The following SLC4A4 variants were observed in gnomAD, a reference collection of about 807,000 sequenced individuals.
SLC4A4 encodes solute carrier family 4 member 4, also known as electrogenic sodium bicarbonate cotransporter 1.
In SLC4A4, 27 loss-of-function variants were observed where a neutral mutation model predicts 111.5. That is an observed-to-expected ratio of 0.24 (90% CI 0.18 to 0.33). The LOEUF (loss-of-function observed/expected upper bound fraction) is 0.33. Ranked by LOEUF, SLC4A4 falls within the 10% of genes least tolerant of loss-of-function variation. The pLI, the probability that SLC4A4 is intolerant of heterozygous loss-of-function variation, is 1.00. For missense variants in SLC4A4, 909 were observed against 1,315.5 expected, an observed-to-expected ratio of 0.69 and a Z score of 4.78; for synonymous variants, 443 against 463.4, an observed-to-expected ratio of 0.96 and a Z score of 0.57.
At chr4:71,089,854 T>TGAG (rs1021220933) in intron 1 of SLC4A4, among the ~76,000 whole-genome samples, 11 of 151,044 alleles carry the variant, frequency 7.3e-5, no homozygotes, top group African/African-American at 2.7e-4. Context: ...GGAACCCACT[T>TGAG]GAGGAGGCAG....
In SLC4A4 at chr4:71,073,904, C is replaced by T. The variant is rs138968562; in HGVS notation, c.-65+11116C>T. Among the ~76,000 whole-genome samples the T allele has an allele frequency of 4.0e-3, 608 of 151,914 alleles. 4 individuals are homozygous for T. Among genetic ancestry groups the T allele is most frequent in the South Asian group, 6.9e-3 (33 of 4,806 alleles). On this transcript the variant is annotated intron_variant, in intron 1 of 26. Coordinates refer to the SLC4A4 transcript ENST00000649996. ...TTCAAGATCAGCCTGGGCAATATGG[C>T]GAAAACCTGTCTCTACAAAAAAATA...
intron 2 of SLC4A4, among the ~76,000 whole-genome samples, chr4:71,136,635 G>A (rs1260551610): frequency 6.6e-6 from 1 of 152,126 alleles, no homozygotes; most frequent in African/African-American, 2.4e-5. Context: ...ATTTGAGATA[G>A]CATTTCCCCC....
At chr4:71,422,796 G>A (rs1054612896) in intron 7 of SLC4A4, among the ~76,000 whole-genome samples, 1 of 152,096 alleles carries the variant, frequency 6.6e-6, no homozygotes, top group Non-Finnish European at 1.5e-5. Flanking sequence ...AACCCTTCAT[G>A]CTGAAAACTC....
rs140811004 is a variant in SLC4A4, at chr4:71,284,509, C to T, written c.253+29110C>T. Among the ~76,000 whole-genome samples, 28 of 152,344 alleles carry T rather than the reference C, an allele frequency of 1.8e-4. No individual in the cohort carries two copies. In the East Asian group the frequency reaches 5.2e-3, roughly 28 times the overall value. The stretch of plus-strand genomic sequence containing the variant: ...CTTCATAATGCAGTTAATCCTTCTT[C>T]CACATAACATCCCTTGAAAATTAGA... On this transcript the variant is annotated intron_variant, in intron 3 of 25. Transcript: ENST00000264485.
At chr4:71,315,105 T>TAAACA (rs1726573983) in intron 3 of SLC4A4, among the ~76,000 whole-genome samples, 3 of 152,144 alleles carry the variant, frequency 2.0e-5, no homozygotes, top group Non-Finnish European at 4.4e-5. Flanking sequence ...GTTATCAAGC[T>TAAACA]GAACAGTAAC....
At chr4:71,349,102 C>G (rs1296340194) in intron 4 of SLC4A4, among the ~76,000 whole-genome samples, 1 of 152,108 alleles carries the variant, frequency 6.6e-6, no homozygotes, top group South Asian at 2.1e-4. Context: ...GTGTTTTGCT[C>G]TCATTTCCAT....
chr4:71,135,587 T>A (rs1743822948), intron 2 of SLC4A4, among the ~76,000 whole-genome samples: 1 of 152,138 alleles, frequency 6.6e-6, no homozygotes, highest in Admixed American at 6.6e-5. Context: ...TGAGCCACCG[T>A]GCCCGGCTCA....
intron 3 of SLC4A4, among the ~76,000 whole-genome samples, chr4:71,314,106 GC>G (rs1726452905): frequency 1.3e-5 from 2 of 152,000 alleles, no homozygotes; most frequent in African/African-American, 4.8e-5. Context: ...CAAAAAGTGG[GC>G]AAAGGATATG....
At chr4:71,398,528 A>G (rs1226514177) in intron 7 of SLC4A4, among the ~76,000 whole-genome samples, 1 of 152,190 alleles carries the variant, frequency 6.6e-6, no homozygotes, top group Non-Finnish European at 1.5e-5. Flanking sequence ...CAAGAAAATT[A>G]TATTTTAAGA....
At chr4:71,205,467 G>A (rs1717693438) in intron 1 of SLC4A4, among the ~76,000 whole-genome samples, 1 of 152,094 alleles carries the variant, frequency 6.6e-6, no homozygotes, top group Admixed American at 6.5e-5. Context: ...TTGAATGCAG[G>A]TATATCTTCT....
intron 2 of SLC4A4, among the ~76,000 whole-genome samples, chr4:71,177,844 G>A (rs367998856): frequency 0.057 from 8,613 of 151,980 alleles, 304 homozygotes; most frequent in Non-Finnish European, 0.081. Context: ...AGATATCTAC[G>A]GAACTCTCCA....
rs59550112 is a variant in SLC4A4, at chr4:71,429,236, C to A, written c.808-11380C>A. On this transcript the variant is annotated intron_variant, in intron 7 of 25. Coordinates refer to ENST00000264485, the MANE Select transcript of SLC4A4 (RefSeq NM_001098484.3). ...CTGCTTTCATAGAAGGCAGAAGAATCCAAGACCTGAGTGGAGTGTGAAAGA... is the reference window on the plus strand; with the variant it reads ...CTGCTTTCATAGAAGGCAGAAGAATACAAGACCTGAGTGGAGTGTGAAAGA... 6.9e-3 allele frequency among the ~76,000 whole-genome samples: 1,047 copies of A among 152,096 alleles called. 4 individuals are homozygous for A. Among genetic ancestry groups the A allele is most frequent in the Non-Finnish European group, 0.012 (791 of 67,962 alleles).
At chr4:71,280,934 A>C (rs1406431757) in intron 3 of SLC4A4, among the ~76,000 whole-genome samples, 1 of 152,236 alleles carries the variant, frequency 6.6e-6, no homozygotes, top group East Asian at 1.9e-4. Context: ...AAGTTCTCAT[A>C]AAGTTATTAT....
intron 1 of SLC4A4, among the ~76,000 whole-genome samples, chr4:71,228,753 A>G (rs544251147): frequency 6.6e-6 from 1 of 152,356 alleles, no homozygotes; most frequent in South Asian, 2.1e-4. Flanking sequence ...TTGTAGATTC[A>G]AATGCGTATT....
chr4:71,452,242 G>A (rs913198414), intron 11 of SLC4A4, among the ~76,000 whole-genome samples: 21 of 152,012 alleles, frequency 1.4e-4, no homozygotes, highest in Admixed American at 3.9e-4. Context: ...TATTCTGAAA[G>A]GATAGAGAAC....
chr4:71,214,276 A>C (rs1460130489), intron 1 of SLC4A4, among the ~76,000 whole-genome samples: 1 of 152,168 alleles, frequency 6.6e-6, no homozygotes, highest in Non-Finnish European at 1.5e-5. Context: ...GACGCTGGCT[A>C]ATGGCCCTGT....
chr4:71,339,398 C>T lies in SLC4A4; in HGVS notation c.282C>T (p.Phe94=), dbSNP rs1728702006. ...CTCCTGCTGCAGAACGCATCCGATT[C>T]ATCTTGGGAGAGGAGGATGACAGCC... The part of the protein sequence containing the change: ...LISPAAERIR[F]ILGEEDDSPA... Residue 94 remains phenylalanine, a synonymous_variant, in exon 4 of 26, where the codon TTC becomes TTT. Transcript: ENST00000264485. 6.2e-7 allele frequency: 1 copy of T among 1,614,036 alleles called. No homozygotes were observed. The highest frequency in any genetic ancestry group is 1.1e-5 in the South Asian group (1 of 91,092).
intron 16 of SLC4A4, among the ~76,000 whole-genome samples, chr4:71,519,422 C>G (rs1037822713): frequency 5.9e-5 from 9 of 152,052 alleles, no homozygotes; most frequent in Admixed American, 4.6e-4. Flanking sequence ...ATTCTAGTTA[C>G]AATTCTTTTA....
rs1407847169 is a variant in SLC4A4, at chr4:71,567,810, G to GT, written c.*61dup. The GT allele has an allele frequency of 3.3e-6, 5 of 1,537,930 alleles. No homozygotes were observed. Among genetic ancestry groups the GT allele is most frequent in the Non-Finnish European group, 4.4e-6 (5 of 1,138,840 alleles). ...TAGTCCTCCTAGAACTCCAGTAAAA[G>GT]TTGTGCCTCAAATTAGAATAGAACT... On this transcript the variant is annotated 3_prime_UTR_variant, in exon 26 of 26. Coordinates refer to ENST00000264485, the MANE Select transcript of SLC4A4 (RefSeq NM_001098484.3).
Sources: gnomAD v4.1 joint callset for allele counts (sites outside exome capture counted in the v4.1 genomes callset) on GRCh38, gnomAD v4.1.1 for gene constraint, MANE v1.5 for transcripts, NCBI Gene and HGNC (gene_info 2026-07-23, HGNC 2026-07-21) for gene names.